GYG2: variants seen among roughly 807,000 people sequenced by gnomAD.
GYG2 encodes the protein glycogenin 2, also known as glycogenin-2.
Under a neutral mutation model 29.4 loss-of-function variants are expected in GYG2, and 29 were observed. The ratio of observed to expected loss-of-function variants is 0.99; its 90% CI spans 0.74 to 1.35. The LOEUF (loss-of-function observed/expected upper bound fraction) is 1.35. GYG2 is among the 40% of genes most tolerant of loss of function. GYG2 has a pLI of 0.00. For synonymous variants in GYG2, 167 were observed against 172.3 expected, an observed-to-expected ratio of 0.97 and a Z score of 0.24; for missense variants, 370 against 385.7, an observed-to-expected ratio of 0.96 and a Z score of 0.34.
Position 2,830,178 on chromosome X carries a change from C to T in GYG2, c.-11C>T, listed in dbSNP as rs748395374. ...GCAGGTCCGCGCCCACTGCCCGCGG[C>T]GCCACTGACCATGTCGGGTGAGTAG... On this transcript the variant is annotated 5_prime_UTR_variant, in exon 2 of 11. Transcript: ENST00000398806. The T allele has an allele frequency of 5.8e-6, 7 of 1,207,919 alleles. No homozygotes were observed. The South Asian group carries it at 1.2e-4, about 21-fold the overall frequency.
intron 10 of GYG2, chrX:2,878,152 G>A (rs146649699): frequency 0.024 from 17,988 of 741,016 alleles, 180 homozygotes; most frequent in African/African-American, 0.055. Context: ...TTGAGGCTCT[G>A]TGAATTGAAT....
chrX:2,876,936 GAGACTCCGTCTCAAAAAAAA>G (rs894464658), intron 9 of GYG2, among the ~76,000 whole-genome samples: 4 of 110,502 alleles, frequency 3.6e-5, no homozygotes, highest in African/African-American at 1.3e-4. Flanking sequence ...GCGACAGAGT[GAGACTCCGTCTCAAAAAAAA>G]AGTTATAATA....
intron 3 of GYG2, among the ~76,000 whole-genome samples, chrX:2,849,014 C>A (rs368691825): frequency 1.8e-5 from 2 of 110,968 alleles, no homozygotes; most frequent in Non-Finnish European, 3.8e-5. Context: ...GGTGGGAGAT[C>A]GCCCCTCCCC....
At chrX:2,877,418 A>G (rs1427555037) in intron 10 of GYG2, 111 bp downstream of exon 10, 1 of 1,102,948 alleles carries the variant, frequency 9.1e-7, no homozygotes, top group Non-Finnish European at 1.2e-6. Flanking sequence ...CTCATTTAAC[A>G]AAAAATAAGA....
chrX:2,865,930 C>T (rs752921936), intron 8 of GYG2, among the ~76,000 whole-genome samples: 1 of 111,509 alleles, frequency 9.0e-6, no homozygotes, highest in South Asian at 3.8e-4. Context: ...GGGACATCTG[C>T]CCCCCGTCCA....
intron 2 of GYG2, among the ~76,000 whole-genome samples, chrX:2,834,598 G>A (rs1002616532): frequency 9.0e-6 from 1 of 111,693 alleles, no homozygotes; most frequent in Non-Finnish European, 1.9e-5. Context: ...GTCAGCTGCT[G>A]GGCCCAGCAC....
intron 8 of GYG2, among the ~76,000 whole-genome samples, chrX:2,868,848 C>T (rs181769061): frequency 1.8e-5 from 2 of 111,260 alleles, no homozygotes; most frequent in Admixed American, 1.9e-4. Context: ...CAAAACAAAA[C>T]AAAACTCTTT....
chrX:2,873,739 C>T (rs765543854), intron 8 of GYG2, among the ~76,000 whole-genome samples: 7 of 111,084 alleles, frequency 6.3e-5, no homozygotes, highest in Non-Finnish European at 1.1e-4. Context: ...TTCTAAGCAC[C>T]CCGCCCCCAG....
In GYG2 at chrX:2,854,987, CA is replaced by C. The variant is rs2087948864; in HGVS notation, c.325-5del. The C allele has an allele frequency of 8.3e-7, 1 of 1,206,278 alleles. No homozygotes were observed. The highest frequency in any genetic ancestry group is 3.0e-5 in the East Asian group (1 of 33,736). ...GCGGCGGGTTCTGCGTGTTTTGCTTCACCAGGTGCTGTCCAATGTCGATGAG... is the reference window on the plus strand; with the variant it reads ...GCGGCGGGTTCTGCGTGTTTTGCTTCCCAGGTGCTGTCCAATGTCGATGAG... On this transcript the variant is annotated splice_polypyrimidine_tract_variant and splice_region_variant and intron_variant, in intron 4 of 10. Transcript: ENST00000398806.
intron 8 of GYG2, among the ~76,000 whole-genome samples, chrX:2,870,558 T>C (rs894374086): frequency 1.8e-5 from 2 of 111,787 alleles, no homozygotes; most frequent in Non-Finnish European, 3.8e-5. Context: ...GACACAGTTA[T>C]CTGCATTTTC....
chrX:2,861,385 A>G, intron 7 of GYG2, 137 bp from the exon 8 acceptor site: 1 of 501,821 alleles, frequency 2.0e-6, no homozygotes, highest in East Asian at 3.6e-5. Context: ...GAAAGAAAAC[A>G]TTTAGGACAA....
intron 8 of GYG2, among the ~76,000 whole-genome samples, chrX:2,874,991 C>G (rs968308040): frequency 8.9e-6 from 1 of 112,385 alleles, no homozygotes; most frequent in Non-Finnish European, 1.9e-5. Flanking sequence ...ATTAAGCTAA[C>G]TGCTTTGTGA....
chrX:2,845,023 G>A (rs1231076510), intron 3 of GYG2, among the ~76,000 whole-genome samples: 6 of 98,452 alleles, frequency 6.1e-5, no homozygotes, highest in Non-Finnish European at 1.2e-4. Context: ...ACATGTGTAT[G>A]TATATTTATA....
chrX:2,861,088 C>T (rs2088153729), intron 7 of GYG2, among the ~76,000 whole-genome samples: 1 of 110,328 alleles, frequency 9.1e-6, no homozygotes, highest in South Asian at 3.9e-4. Context: ...TCAGCACATG[C>T]ATTGCCTGGG....
intron 6 of GYG2, among the ~76,000 whole-genome samples, chrX:2,857,218 G>A (rs62643588): frequency 0.52 from 55,463 of 106,817 alleles, 11,345 homozygotes; most frequent in African/African-American, 0.74. Flanking sequence ...CTAGATATCT[G>A]TCTATCTGTC....
At chrX:2,829,932 G>A (rs1356540079) in intron 1 of GYG2, 129 bp from the exon 2 acceptor site, 1 of 404,082 alleles carries the variant, frequency 2.5e-6, no homozygotes, top group African/African-American at 2.6e-5. Flanking sequence ...GGGCGTGGAG[G>A]TCGCAGGGGC....
rs145008892 is a variant in GYG2 at position 2,866,176 on chromosome X, A to G, written c.1038+4454A>G. On this transcript the variant is annotated intron_variant, in intron 8 of 10. Coordinates refer to ENST00000398806, the MANE Select transcript of GYG2 (RefSeq NM_001079855.2). Reference sequence around the variant, plus strand: ...CCACATGTTCTCACTCATCTGTGGGAGCTAAAGAAATTTAACCTCACAGAA... The same window carrying G: ...CCACATGTTCTCACTCATCTGTGGGGGCTAAAGAAATTTAACCTCACAGAA... Among the ~76,000 whole-genome samples, 882 of 112,010 alleles carry G rather than the reference A, an allele frequency of 7.9e-3. 8 individuals are homozygous for G. The highest frequency in any genetic ancestry group is 0.027 in the African/African-American group (839 of 30,826).
Position 2,876,822 on chromosome X carries a change from G to A in GYG2, c.1144-378G>A, listed in dbSNP as rs773883058. 1.5e-4 allele frequency among the ~76,000 whole-genome samples: 16 copies of A among 110,098 alleles called. No individual in the cohort carries two copies. In the Admixed American group the frequency reaches 1.5e-3, roughly 10 times the overall value. On this transcript the variant is annotated intron_variant, in intron 9 of 10. Transcript: ENST00000398806. Reference sequence around the variant, plus strand: ...AAATTAGCTGGGCGTGGTGGTGGGCGCCTGTAGTCCCAGCTACTCCGGAGG... The same window carrying A: ...AAATTAGCTGGGCGTGGTGGTGGGCACCTGTAGTCCCAGCTACTCCGGAGG...
rs55951939 is a variant in GYG2, at chrX:2,856,788, C to CT, written c.614+164_614+165insT. ...TCTATCTATCTATCTATCTATCTAT[C>CT]ATCTATCTATCATCTATCTATCTAT... is the stretch of plus-strand genomic sequence containing the variant. On this transcript the variant is annotated intron_variant, in intron 6 of 10. Coordinates refer to ENST00000398806, the MANE Select transcript of GYG2 (RefSeq NM_001079855.2). Among the ~76,000 whole-genome samples, 36,376 of 68,793 alleles carry CT rather than the reference C, an allele frequency of 0.53. 6,436 individuals carry two copies. Among genetic ancestry groups the CT allele is most frequent in the African/African-American group, 0.57 (12,484 of 21,929 alleles). The allele number at this position is 68,793 out of a possible 115,157, so 59.7% of individuals were successfully genotyped here. A position where few individuals can be genotyped will look rare whatever the true frequency, so the allele number is the denominator to read the frequency against.
Sources: allele counts gnomAD v4.1 joint callset (sites outside exome capture counted in the v4.1 genomes callset), GRCh38; gene constraint gnomAD v4.1.1; transcripts MANE v1.5; gene names NCBI Gene and HGNC (gene_info 2026-07-23, HGNC 2026-07-21).